ZMYM2: variants seen among roughly 807,000 people sequenced by gnomAD.
ZMYM2 encodes the protein zinc finger MYM-type protein 2.
In ZMYM2, 56 loss-of-function variants were observed where a neutral mutation model predicts 162.8. That is an observed-to-expected ratio of 0.34 (90% confidence interval 0.28 to 0.43). The LOEUF (loss-of-function observed/expected upper bound fraction) is 0.43, where lower values mean the gene tolerates loss of function less well. ZMYM2 is among the 20% of genes least tolerant of loss of function. The pLI, the probability that ZMYM2 is intolerant of heterozygous loss-of-function variation, is 1.00. For synonymous variants in ZMYM2, 510 were observed against 541.6 expected (o/e 0.94, Z 0.81); for missense variants, 1,275 against 1,621.8 (o/e 0.79, Z 3.67).
intron 7 of ZMYM2, 200 bp from the exon 8 acceptor site, chr13:20,026,412 T>C: frequency 2.2e-6 from 1 of 449,916 alleles, no homozygotes. Flanking sequence ...GCGACTTAGC[T>C]GATGATCATT....
chr13:19,909,471 C>T, the ZMYM2 span, among the ~76,000 whole-genome samples: 2 of 125,828 alleles, frequency 1.6e-5, no homozygotes, highest in South Asian at 2.7e-4. Context: ...TCACTCTTGT[C>T]GTGCAGGCTG....
At chr13:19,937,311 ATTT>A in the ZMYM2 span, among the ~76,000 whole-genome samples, 265 of 151,570 alleles carry the variant, frequency 1.7e-3, 1 homozygote, top group African/African-American at 6.2e-3. Context: ...TAATTTTTGT[ATTT>A]TTTTTAGTAG....
chr13:19,865,984 C>T, the ZMYM2 span, among the ~76,000 whole-genome samples: 2 of 93,672 alleles, frequency 2.1e-5, no homozygotes, highest in African/African-American at 3.1e-5. Flanking sequence ...ATCATCTTAA[C>T]AGATAAGTTA....
intron 7 of ZMYM2, 157 bp downstream of exon 7, chr13:20,019,775 A>G (rs1233159167): frequency 3.1e-6 from 2 of 642,750 alleles, no homozygotes; most frequent in South Asian, 2.1e-5. Context: ...TCTCTGAGAC[A>G]TAGATTTCTA....
the ZMYM2 span, among the ~76,000 whole-genome samples, chr13:19,875,132 CAA>C: frequency 6.6e-5 from 10 of 152,274 alleles, no homozygotes; most frequent in East Asian, 1.9e-3. Context: ...CTCATCACAG[CAA>C]AGTTATCAGC....
chr13:19,901,983 CTTG>C, the ZMYM2 span, among the ~76,000 whole-genome samples: 7 of 151,964 alleles, frequency 4.6e-5, no homozygotes, highest in Admixed American at 4.6e-4. Context: ...GATAGAGGGT[CTTG>C]TTGTGTTGCC....
intron 16 of ZMYM2, among the ~76,000 whole-genome samples, chr13:20,060,217 C>T (rs1039086591): frequency 6.6e-6 from 1 of 152,108 alleles, no homozygotes; most frequent in Non-Finnish European, 1.5e-5. Flanking sequence ...GCTAATAAAA[C>T]CATCTTTACC....
At chr13:20,083,990 T>C (rs942879379) in intron 24 of ZMYM2, among the ~76,000 whole-genome samples, 5 of 152,242 alleles carry the variant, frequency 3.3e-5, no homozygotes, top group African/African-American at 1.2e-4. Context: ...GAAATCTCTC[T>C]CTACTAATGA....
intron 2 of ZMYM2, among the ~76,000 whole-genome samples, chr13:19,962,611 G>A (rs1426671220): frequency 1.8e-4 from 24 of 133,496 alleles, no homozygotes; most frequent in African/African-American, 6.2e-4. Context: ...TGCAACCTCT[G>A]CCTCCTGGGT....
At chr13:20,013,761 T>A (rs1467122101) in intron 6 of ZMYM2, among the ~76,000 whole-genome samples, 2 of 152,220 alleles carry the variant, frequency 1.3e-5, no homozygotes, top group African/African-American at 4.8e-5. Flanking sequence ...TGAACCACAC[T>A]TTTATTGGGA....
the ZMYM2 span, among the ~76,000 whole-genome samples, chr13:19,867,712 G>GC: frequency 6.6e-6 from 1 of 151,868 alleles, no homozygotes; most frequent in Admixed American, 6.6e-5. Context: ...TGCAACCTCC[G>GC]CCTCCCGGGT....
rs188919507 is a variant in ZMYM2 at position 19,965,249 on chromosome 13, A to G, written c.-11+5223A>G. 205 of 1,301,444 alleles carry G rather than the reference A, an allele frequency of 1.6e-4. 2 individuals are homozygous for G. In the East Asian group the frequency reaches 5.7e-3, roughly 36 times the overall value. 80.6% of individuals were successfully genotyped at this position (1,301,444 alleles called of 1,614,324 possible). ...ACATGTGTATATTACTCTCTGCCGT[A>G]GTCACCTGGATACCATCTCTGGACT... On this transcript the variant is annotated intron_variant, in intron 2 of 24. Coordinates refer to ENST00000610343, the MANE Select transcript of ZMYM2 (RefSeq NM_197968.4).
chr13:20,021,809 A>G lies in ZMYM2; in HGVS notation c.1584+2191A>G, dbSNP rs181960530. Among the ~76,000 whole-genome samples, 36 of 152,290 alleles carry G rather than the reference A, an allele frequency of 2.4e-4. 1 individual carries two copies. The highest frequency in any genetic ancestry group is 7.7e-4 in the African/African-American group (32 of 41,566). On this transcript the variant is annotated intron_variant, in intron 7 of 24. Coordinates refer to ENST00000610343, the MANE Select transcript of ZMYM2 (RefSeq NM_197968.4). ...GCACAGATCAGTTTTCAGCCAAAATATGTCTGTAGATGTAGTTTTAAGATC... is the reference window on the plus strand; with the variant it reads ...GCACAGATCAGTTTTCAGCCAAAATGTGTCTGTAGATGTAGTTTTAAGATC...
chr13:19,953,274 C>A, the ZMYM2 span, among the ~76,000 whole-genome samples: 2 of 152,146 alleles, frequency 1.3e-5, no homozygotes, highest in African/African-American at 4.8e-5. Flanking sequence ...GCATACTTTT[C>A]CAGGCATTGT....
chr13:19,954,019 G>C (rs1284835552), upstream of ZMYM2, among the ~76,000 whole-genome samples: 1 of 151,698 alleles, frequency 6.6e-6, no homozygotes, highest in Non-Finnish European at 1.5e-5. Flanking sequence ...TACCTAGTAG[G>C]CGTTTGTACC....
chr13:20,074,060 C>T (rs544456626), intron 21 of ZMYM2, among the ~76,000 whole-genome samples: 1 of 152,224 alleles, frequency 6.6e-6, no homozygotes, highest in South Asian at 2.1e-4. Context: ...TTTCTACTTT[C>T]TATCTCTATG....
chr13:19,878,228 T>G, the ZMYM2 span, among the ~76,000 whole-genome samples: 1 of 152,066 alleles, frequency 6.6e-6, no homozygotes, highest in Non-Finnish European at 1.5e-5. Context: ...AATTTTTGTA[T>G]TTTTAGTAGA....
At chr13:19,952,331 C>T in the ZMYM2 span, among the ~76,000 whole-genome samples, 2 of 151,952 alleles carry the variant, frequency 1.3e-5, no homozygotes, top group African/African-American at 4.8e-5. Context: ...CCATATTGTG[C>T]AACATGGTGT....
intron 6 of ZMYM2, among the ~76,000 whole-genome samples, chr13:20,007,675 C>T (rs932154972): frequency 2.1e-5 from 3 of 145,854 alleles, no homozygotes; most frequent in Non-Finnish European, 4.5e-5. Context: ...GGCTGGAGTG[C>T]ATTGGCGTAA....
Sources: allele counts gnomAD v4.1 joint callset (sites outside exome capture counted in the v4.1 genomes callset), GRCh38; gene constraint gnomAD v4.1.1; transcripts MANE v1.5; gene names NCBI Gene and HGNC (gene_info 2026-07-23, HGNC 2026-07-21).